UNC5C: variants seen among roughly 807,000 people sequenced by gnomAD.
UNC5C encodes unc-5 netrin receptor C, also known as netrin receptor UNC5C.
In UNC5C, 47 loss-of-function variants were observed where a neutral mutation model predicts 99.8. That is an observed-to-expected ratio of 0.47 (90% CI 0.37 to 0.60). The LOEUF is 0.60. UNC5C is among the 20% of genes least tolerant of loss of function. UNC5C has a pLI of 0.00. For synonymous variants in UNC5C, 487 were observed against 452.2 expected (o/e 1.08, Z -0.98); for missense variants, 1,062 against 1,165.9 (o/e 0.91, Z 1.30).
intron 1 of UNC5C, among the ~76,000 whole-genome samples, chr4:95,448,260 G>GAGAGAGAGAGAGAGAGAGAC (rs1560836896): frequency 1.3e-5 from 2 of 149,864 alleles, no homozygotes; most frequent in African/African-American, 5.0e-5. Context: ...GAGAGAGAGA[G>GAGAGAGAGAGAGAGAGAGAC]AGAAAGCCTG....
intron 1 of UNC5C, among the ~76,000 whole-genome samples, chr4:95,426,106 G>T (rs141020498): frequency 1.3e-5 from 2 of 152,014 alleles, no homozygotes; most frequent in Admixed American, 1.3e-4. Context: ...ACCCTGTGTC[G>T]GACAAGTTTA....
chr4:95,376,374 A>C (rs1285134401), intron 1 of UNC5C, among the ~76,000 whole-genome samples: 1 of 152,114 alleles, frequency 6.6e-6, no homozygotes, highest in Non-Finnish European at 1.5e-5. Context: ...AGACTAAAAG[A>C]AAATAGATTC....
At chr4:95,505,549 T>C (rs1009475923) in intron 1 of UNC5C, among the ~76,000 whole-genome samples, 1 of 152,066 alleles carries the variant, frequency 6.6e-6, no homozygotes, top group Non-Finnish European at 1.5e-5. Context: ...GGTTCTGTCA[T>C]TGGGTGACAT....
At chr4:95,297,855 C>A (rs1181738849) in intron 3 of UNC5C, among the ~76,000 whole-genome samples, 1 of 152,208 alleles carries the variant, frequency 6.6e-6, no homozygotes, top group Non-Finnish European at 1.5e-5. Flanking sequence ...TAACATCTCT[C>A]ATAGCTGCAG....
At chr4:95,354,479 A>ATATATATTTTTTT in intron 1 of UNC5C, among the ~76,000 whole-genome samples, 99 of 110,338 alleles carry the variant, frequency 9.0e-4, no homozygotes, top group African/African-American at 2.9e-3. Flanking sequence ...ATATATATAT[A>ATATATATTTTTTT]TTTTTTTTTT....
In UNC5C at chr4:95,214,548, A is replaced by G. The variant is rs560901474; in HGVS notation, c.1733+1576T>C. ...TCCTGGTTCGGCTGCCAAGGAAAGTATGGGGAGAGCAGGCACGTGAGTGCA... is the reference window on the plus strand; with the variant it reads ...TCCTGGTTCGGCTGCCAAGGAAAGTGTGGGGAGAGCAGGCACGTGAGTGCA... On this transcript the variant is annotated intron_variant, in intron 10 of 15. Transcript: ENST00000453304. 3.3e-5 allele frequency among the ~76,000 whole-genome samples: 5 copies of G among 152,368 alleles called. No individual in the cohort carries two copies. In the South Asian group the frequency reaches 1.0e-3, roughly 32 times the overall value.
At chr4:95,249,733 G>T (rs964425959) in intron 5 of UNC5C, among the ~76,000 whole-genome samples, 30 of 152,194 alleles carry the variant, frequency 2.0e-4, no homozygotes, top group African/African-American at 6.8e-4. Flanking sequence ...AGCTGGCTTA[G>T]AAAGGACCAG....
intron 1 of UNC5C, among the ~76,000 whole-genome samples, chr4:95,365,403 A>G (rs1744527759): frequency 6.8e-6 from 1 of 147,804 alleles, no homozygotes; most frequent in Non-Finnish European, 1.5e-5. Flanking sequence ...AATATAATAT[A>G]TATTTTATTT....
At position 95,548,802 on chromosome 4, in the gene UNC5C, A is replaced by T; in HGVS notation, c.56T>A (p.Leu19Ter). 6.2e-7 allele frequency: 1 copy of T among 1,613,492 alleles called. No individual in the cohort carries two copies. The highest frequency in any genetic ancestry group is 1.7e-4 in the Middle Eastern group (1 of 5,850). The change falls in exon 1 of 16, where the codon TTG becomes TAG. Residue 19 changes from leucine to a stop codon, truncating the protein, a stop_gained. Coordinates refer to ENST00000453304, the MANE Select transcript of UNC5C (RefSeq NM_003728.4). LOFTEE classifies it high-confidence loss of function. ...GGCAGGTAGCACGAGCATTTGCAGC[A>T]AGTATCCCAGTCCCAGTCCGCAGCG... ...AARCGLGLGY[L>*]LQMLVLPALA...
At chr4:95,431,734 A>AGT (rs1219096957) in intron 1 of UNC5C, among the ~76,000 whole-genome samples, 1 of 152,014 alleles carries the variant, frequency 6.6e-6, no homozygotes, top group African/African-American at 2.4e-5. Flanking sequence ...CCAGAGTTAA[A>AGT]GTGTGTGTGT....
At chr4:95,201,856 A>G (rs549748620) in intron 12 of UNC5C, among the ~76,000 whole-genome samples, 1,542 of 152,184 alleles carry the variant, frequency 0.01, 16 homozygotes, top group African/African-American at 0.029. Context: ...CACCCGCCTT[A>G]GCCTCCCAAA....
At chr4:95,229,564 T>C (rs186769442) in intron 7 of UNC5C, among the ~76,000 whole-genome samples, 161 of 152,316 alleles carry the variant, frequency 1.1e-3, no homozygotes, top group Non-Finnish European at 1.8e-3. Context: ...TCTTTGTTAT[T>C]GTGAACAGTG....
At chr4:95,248,090 A>G (rs1244434917) in intron 5 of UNC5C, 1 of 152,958 alleles carries the variant, frequency 6.5e-6, no homozygotes, top group Non-Finnish European at 1.5e-5. Context: ...AATTAAAATG[A>G]CATTTTTAAA....
chr4:95,236,803 C>G (rs1338402900), intron 7 of UNC5C, among the ~76,000 whole-genome samples: 1 of 152,014 alleles, frequency 6.6e-6, no homozygotes, highest in African/African-American at 2.4e-5. Flanking sequence ...AAATGATGTT[C>G]CATTTAATGG....
intron 1 of UNC5C, among the ~76,000 whole-genome samples, chr4:95,402,241 A>G (rs2149448880): frequency 6.6e-6 from 1 of 152,176 alleles, no homozygotes; most frequent in Non-Finnish European, 1.5e-5. Flanking sequence ...ATTGGTTCTA[A>G]TTTTTAAATG....
At chr4:95,328,040 CTTTTTTTTTT>C (rs34794058) in intron 2 of UNC5C, among the ~76,000 whole-genome samples, 1 of 87,098 alleles carries the variant, frequency 1.1e-5, no homozygotes, top group Admixed American at 1.6e-4. Flanking sequence ...CAGGCAACTT[CTTTTTTTTTT>C]TTTTTTTTTT....
chr4:95,206,515 G>T (rs766275835), intron 11 of UNC5C, 113 bp downstream of exon 11: 1 of 1,463,566 alleles, frequency 6.8e-7, no homozygotes, highest in Non-Finnish European at 9.3e-7. Context: ...TTTTGAGGGT[G>T]AGCTAAAATT....
At chr4:95,301,465 G>A in intron 3 of UNC5C, 141 bp downstream of exon 3, 2 of 1,138,076 alleles carry the variant, frequency 1.8e-6, no homozygotes, top group South Asian at 1.6e-5. Context: ...AAAGTGCTGG[G>A]ATTACAGGCG....
At chr4:95,340,232 TAA>T (rs1376491555) in intron 1 of UNC5C, among the ~76,000 whole-genome samples, 1 of 152,126 alleles carries the variant, frequency 6.6e-6, no homozygotes, top group African/African-American at 2.4e-5. Flanking sequence ...ACTTAATACA[TAA>T]GTTTCTATAT....
Sources: allele counts gnomAD v4.1 joint callset (sites outside exome capture counted in the v4.1 genomes callset), GRCh38; gene constraint gnomAD v4.1.1; transcripts MANE v1.5; gene names NCBI Gene and HGNC (gene_info 2026-07-23, HGNC 2026-07-21).